PEX7: variants seen among roughly 807,000 people sequenced by gnomAD.
PEX7 encodes the protein PTS2 receptor.
Under a neutral mutation model 47.5 loss-of-function variants are expected in PEX7, and 34 were observed. The ratio of observed to expected loss-of-function variants is 0.72; its 90% CI spans 0.54 to 0.95. The LOEUF (loss-of-function observed/expected upper bound fraction) is 0.95. Ranked by LOEUF, PEX7 falls within the 40% of genes least tolerant of loss-of-function variation. The pLI, the probability that PEX7 is intolerant of heterozygous loss-of-function variation, is 0.00. For synonymous variants in PEX7, 141 were observed against 148.8 expected, an observed-to-expected ratio of 0.95 and a Z score of 0.38; for missense variants, 394 against 400.3, an observed-to-expected ratio of 0.98 and a Z score of 0.13.
chr6:136,865,579 G>A (rs1385662374), intron 5 of PEX7, among the ~76,000 whole-genome samples: 3 of 152,064 alleles, frequency 2.0e-5, no homozygotes, highest in Non-Finnish European at 4.4e-5. Context: ...GATTACAGGC[G>A]TGAGCCACCA....
intron 3 of PEX7, among the ~76,000 whole-genome samples, chr6:136,833,102 A>T (rs532364104): frequency 1.2e-4 from 19 of 152,224 alleles, no homozygotes; most frequent in Non-Finnish European, 2.2e-4. Flanking sequence ...TGCTATAAAG[A>T]AATACCTGAG....
chr6:136,869,395 G>T (rs573923262), intron 6 of PEX7, among the ~76,000 whole-genome samples: 260 of 152,010 alleles, frequency 1.7e-3, no homozygotes, highest in Non-Finnish European at 3.0e-3. Flanking sequence ...ACAGGTGTGT[G>T]TTACCACGCC....
In PEX7 at chr6:136,845,600, T is replaced by G; in HGVS notation, c.340-15T>G. On this transcript the variant is annotated splice_polypyrimidine_tract_variant and intron_variant, in intron 3 of 9. Coordinates refer to ENST00000318471, the MANE Select transcript of PEX7 (RefSeq NM_000288.4). ...GATGGTCTTTTGCTTTCTAAACACT[T>G]TTCAATGTTTTTAGGTGTATAGTGT... 6.5e-7 allele frequency: 1 copy of G among 1,532,902 alleles called. No individual in the cohort carries two copies. Among genetic ancestry groups the G allele is most frequent in the Non-Finnish European group, 9.0e-7 (1 of 1,105,942 alleles). The allele number at this position is 1,532,902 out of a possible 1,614,324, so 95.0% of individuals were successfully genotyped here.
At chr6:136,854,113 T>G (rs1056506625) in intron 5 of PEX7, among the ~76,000 whole-genome samples, 1 of 152,132 alleles carries the variant, frequency 6.6e-6, no homozygotes, top group Non-Finnish European at 1.5e-5. Context: ...GTGCATTAAG[T>G]CAGTGGTAGC....
chr6:136,839,253 A>G (rs1403149442), intron 3 of PEX7, among the ~76,000 whole-genome samples: 1 of 152,242 alleles, frequency 6.6e-6, no homozygotes, highest in Non-Finnish European at 1.5e-5. Context: ...CTAATCACTC[A>G]GTAATTAAAA....
At chr6:136,855,588 C>A (rs1774847170) in intron 5 of PEX7, 1 of 181,434 alleles carries the variant, frequency 5.5e-6, no homozygotes, top group Non-Finnish European at 1.2e-5. Context: ...AATCCGCCTG[C>A]CTTGGCCTCC....
At chr6:136,883,090 A>G (rs1356177095) in intron 8 of PEX7, among the ~76,000 whole-genome samples, 1 of 152,214 alleles carries the variant, frequency 6.6e-6, no homozygotes, top group Non-Finnish European at 1.5e-5. Flanking sequence ...CTTCTTGGCA[A>G]TCATTATGCT....
At chr6:136,859,957 G>A (rs1435969388) in intron 5 of PEX7, among the ~76,000 whole-genome samples, 1 of 151,676 alleles carries the variant, frequency 6.6e-6, no homozygotes, top group Non-Finnish European at 1.5e-5. Context: ...CCTGGAGGCA[G>A]AGGTTGCAGT....
At chr6:136,874,778 G>GA (rs956802506) in intron 8 of PEX7, among the ~76,000 whole-genome samples, 141 of 151,018 alleles carry the variant, frequency 9.3e-4, no homozygotes, top group African/African-American at 3.4e-3. Context: ...TAAGTTCTTT[G>GA]AATATCTAGT....
intron 5 of PEX7, among the ~76,000 whole-genome samples, chr6:136,865,501 G>A (rs1196851472): frequency 3.9e-5 from 6 of 152,098 alleles, no homozygotes; most frequent in Non-Finnish European, 8.8e-5. Flanking sequence ...GTTTCATCAT[G>A]TTGGCCAGGC....
chr6:136,822,695 G>A lies in PEX7; in HGVS notation c.30G>A (p.Arg10=), dbSNP rs1330254343. 2 of 1,519,968 alleles carry A rather than the reference G, an allele frequency of 1.3e-6. No individual in the cohort carries two copies. The highest frequency in any genetic ancestry group is 2.8e-5 in the African/African-American group (2 of 70,624). 94.2% of individuals were successfully genotyped at this position (1,519,968 alleles called of 1,614,324 possible). A position where few individuals can be genotyped will look rare whatever the true frequency, so the allele number is the denominator to read the frequency against. MSAVCGGAA[R]MLRTPGRHGY... ...GTGCGGTGTGCGGTGGAGCGGCGCG[G>A]ATGCTGCGGACGCCGGGACGCCACG... The change falls in exon 1 of 10, where the codon CGG becomes CGA. Residue 10 remains arginine (R), a synonymous_variant. Transcript: ENST00000318471.
At position 136,822,743 on chromosome 6, in the gene PEX7, G is replaced by A. The variant is rs1774100373; in HGVS notation, c.78G>A (p.Pro26=). ...ACGGCTACGCCGCCGAGTTCTCCCC[G>A]TACCTGCCGGGCCGCCTGGCCTGCG... is the stretch of plus-strand genomic sequence containing the variant. The part of the protein sequence containing the change: ...GRHGYAAEFS[P]YLPGRLACAT... Residue 26 remains proline (P), a synonymous_variant, in exon 1 of 10, where the codon CCG becomes CCA. Coordinates refer to ENST00000318471, the MANE Select transcript of PEX7 (RefSeq NM_000288.4). 6.0e-6 allele frequency: 9 copies of A among 1,496,338 alleles called. No homozygotes were observed. Among genetic ancestry groups the A allele is most frequent in the Admixed American group, 2.2e-5 (1 of 46,376 alleles). 92.7% of individuals were successfully genotyped at this position (1,496,338 alleles called of 1,614,324 possible). A position where few individuals can be genotyped will look rare whatever the true frequency, so the allele number is the denominator to read the frequency against.
intron 5 of PEX7, among the ~76,000 whole-genome samples, chr6:136,857,820 G>A (rs1348728287): frequency 6.6e-6 from 1 of 152,124 alleles, no homozygotes; most frequent in African/African-American, 2.4e-5. Context: ...AAAGCTCTGT[G>A]AGCATTACCT....
At chr6:136,894,518 A>C (rs1383663563) in intron 8 of PEX7, among the ~76,000 whole-genome samples, 8 of 152,150 alleles carry the variant, frequency 5.3e-5, no homozygotes, top group Non-Finnish European at 1.2e-4. Flanking sequence ...TGAACCCGGG[A>C]GGCAGAGGTT....
At chr6:136,879,830 C>A (rs767917079) in intron 8 of PEX7, among the ~76,000 whole-genome samples, 2 of 151,908 alleles carry the variant, frequency 1.3e-5, no homozygotes, top group African/African-American at 4.8e-5. Flanking sequence ...CATTTTCATT[C>A]TTTTGGTTGT....
At chr6:136,863,877 C>G (rs77546340) in intron 5 of PEX7, among the ~76,000 whole-genome samples, 6,183 of 152,238 alleles carry the variant, frequency 0.041, 443 homozygotes, top group African/African-American at 0.14. Context: ...TCACTGCACT[C>G]CAGCCTGGAA....
intron 3 of PEX7, among the ~76,000 whole-genome samples, chr6:136,831,964 G>A (rs1285483442): frequency 6.6e-6 from 1 of 152,216 alleles, no homozygotes. Flanking sequence ...TCTGGGGCCT[G>A]GGGGACAGTG....
At chr6:136,857,043 AAAAGATTC>A (rs1361098142) in intron 5 of PEX7, among the ~76,000 whole-genome samples, 1 of 152,220 alleles carries the variant, frequency 6.6e-6, no homozygotes, top group Non-Finnish European at 1.5e-5. Context: ...AGTACTTTTT[AAAAGATTC>A]AAAGTTCTTC....
At chr6:136,845,740 G>A in intron 4 of PEX7, 48 bp downstream of exon 4, 1 of 1,128,202 alleles carries the variant, frequency 8.9e-7, no homozygotes, top group Non-Finnish European at 1.4e-6. Flanking sequence ...CTTCTCTAGA[G>A]CTTCCACTAA....
Sources: gnomAD v4.1 joint callset for allele counts (sites outside exome capture counted in the v4.1 genomes callset) on GRCh38, gnomAD v4.1.1 for gene constraint, MANE v1.5 for transcripts, NCBI Gene and HGNC (gene_info 2026-07-23, HGNC 2026-07-21) for gene names.